Variants in TSC22D1 observed in about 807,000 individuals in gnomAD.
The protein encoded by TSC22D1 is TSC22 domain family member 1.
In TSC22D1, 9 loss-of-function variants were observed where a neutral mutation model predicts 74.2. That is an observed-to-expected ratio of 0.12 (90% CI 0.07 to 0.21). The LOEUF is 0.21. Ranked by LOEUF, TSC22D1 falls within the 10% of genes least tolerant of loss-of-function variation. The probability of loss-of-function intolerance (pLI) is 1.00; values close to 1 mark genes in which losing one functional copy is unlikely to be tolerated. For synonymous variants in TSC22D1, 586 were observed against 492.5 expected, an observed-to-expected ratio of 1.19 and a Z score of -2.51; for missense variants, 1,427 against 1,304.7, an observed-to-expected ratio of 1.09 and a Z score of -1.44.
chr13:44,457,937 T>C (rs995063972), intron 1 of TSC22D1, among the ~76,000 whole-genome samples: 2 of 152,234 alleles, frequency 1.3e-5, no homozygotes, highest in African/African-American at 4.8e-5. Flanking sequence ...CTATTACACA[T>C]ACATCAGATC....
intron 1 of TSC22D1, among the ~76,000 whole-genome samples, chr13:44,490,688 G>A (rs1430195317): frequency 3.3e-5 from 5 of 151,896 alleles, no homozygotes; most frequent in Non-Finnish European, 7.4e-5. Flanking sequence ...ATCTGAGGTC[G>A]GGAGTTCGAG....
intron 1 of TSC22D1, among the ~76,000 whole-genome samples, chr13:44,551,489 T>C (rs1882271611): frequency 6.6e-6 from 1 of 151,542 alleles, no homozygotes; most frequent in South Asian, 2.1e-4. Flanking sequence ...GGCACAATCT[T>C]AGCTCACTGC....
intron 1 of TSC22D1, among the ~76,000 whole-genome samples, chr13:44,444,192 T>A (rs531936169): frequency 1.1e-4 from 15 of 134,660 alleles, no homozygotes; most frequent in Admixed American, 2.7e-4. Context: ...GGCAGGAGAA[T>A]CGCTTGAACC....
chr13:44,439,372 G>A (rs1357088438), intron 1 of TSC22D1, among the ~76,000 whole-genome samples: 1 of 152,172 alleles, frequency 6.6e-6, no homozygotes, highest in Non-Finnish European at 1.5e-5. Context: ...TTTAAAACTA[G>A]ACTTTTGTAT....
At chr13:44,576,839 C>A (rs1183409408), upstream of TSC22D1, among the ~76,000 whole-genome samples, 2 of 151,710 alleles carry the variant, frequency 1.3e-5, no homozygotes, top group South Asian at 2.1e-4. Flanking sequence ...CGGGGCGCGG[C>A]GGCGGCGGTG....
Position 44,488,420 on chromosome 13 carries a change from T to C in TSC22D1, c.2913-52325A>G, listed in dbSNP as rs190706562. 1.1e-4 allele frequency among the ~76,000 whole-genome samples: 16 copies of C among 152,342 alleles called. No homozygotes were observed. In the East Asian group the frequency reaches 3.1e-3, roughly 29 times the overall value. ...TTGAGTTAAATAAAATAAAGCAAAT[T>C]ATTAAAACTAACTTCACCTGTTTTT... On this transcript the variant is annotated intron_variant, in intron 1 of 2. Coordinates refer to ENST00000458659, the MANE Select transcript of TSC22D1 (RefSeq NM_183422.4).
At chr13:44,450,239 A>G (rs183841992) in intron 1 of TSC22D1, among the ~76,000 whole-genome samples, 2 of 152,330 alleles carry the variant, frequency 1.3e-5, no homozygotes, top group Non-Finnish European at 2.9e-5. Flanking sequence ...GAGTTTGGAC[A>G]CCTCTCAGTA....
intron 1 of TSC22D1, among the ~76,000 whole-genome samples, chr13:44,456,178 A>C (rs1876614968): frequency 6.6e-6 from 1 of 152,222 alleles, no homozygotes. Flanking sequence ...GTGCAGACCC[A>C]AAAAGTGAGC....
At chr13:44,472,158 T>G (rs1267144414) in intron 1 of TSC22D1, among the ~76,000 whole-genome samples, 1 of 152,216 alleles carries the variant, frequency 6.6e-6, no homozygotes, top group Non-Finnish European at 1.5e-5. Context: ...GAGGTATGTA[T>G]GTATAGGGAA....
At position 44,434,518 on chromosome 13, in the gene TSC22D1, T is replaced by C. The variant is rs1423862816; in HGVS notation, c.*108A>G. Reference sequence around the variant, plus strand: ...GGCATATGTCAGTCTCACGTCTCTTTCGCAGCGAGCAATGAAATGGGTGAC... The same window carrying C: ...GGCATATGTCAGTCTCACGTCTCTTCCGCAGCGAGCAATGAAATGGGTGAC... On this transcript the variant is annotated 3_prime_UTR_variant, in exon 3 of 3. Transcript: ENST00000458659. 3 of 1,459,826 alleles carry C rather than the reference T, an allele frequency of 2.1e-6. No homozygotes were observed. Among genetic ancestry groups the C allele is most frequent in the Non-Finnish European group, 9.0e-7 (1 of 1,110,286 alleles). 90.4% of individuals were successfully genotyped at this position (1,459,826 alleles called of 1,614,324 possible).
intron 1 of TSC22D1, among the ~76,000 whole-genome samples, chr13:44,469,337 A>G (rs1177266094): frequency 6.6e-6 from 1 of 152,228 alleles, no homozygotes; most frequent in Admixed American, 6.5e-5. Flanking sequence ...TAAAATGAGA[A>G]AAGTATTTAA....
In TSC22D1 at chr13:44,482,264, G is replaced by A. The variant is rs78697443; in HGVS notation, c.2913-46169C>T. On this transcript the variant is annotated intron_variant, in intron 1 of 2. Coordinates refer to ENST00000458659, the MANE Select transcript of TSC22D1 (RefSeq NM_183422.4). ...GCTTTAGAGAGGTTAGCCAGGTGCAGTGGCTCACGCCTGTAATCCAGGCAC... is the reference window on the plus strand; with the variant it reads ...GCTTTAGAGAGGTTAGCCAGGTGCAATGGCTCACGCCTGTAATCCAGGCAC... 1.5e-3 allele frequency among the ~76,000 whole-genome samples: 231 copies of A among 152,304 alleles called. 3 individuals carry two copies. The highest frequency in any genetic ancestry group is 5.1e-3 in the African/African-American group (211 of 41,556).
intron 1 of TSC22D1, among the ~76,000 whole-genome samples, chr13:44,501,736 TG>T (rs1336155975): frequency 6.6e-6 from 1 of 152,216 alleles, no homozygotes; most frequent in Non-Finnish European, 1.5e-5. Flanking sequence ...GCATATTACC[TG>T]TATCAAAGCC....
intron 1 of TSC22D1, among the ~76,000 whole-genome samples, chr13:44,477,263 A>G (rs1479678821): frequency 6.6e-6 from 1 of 152,050 alleles, no homozygotes; most frequent in African/African-American, 2.4e-5. Flanking sequence ...AACCTGACCT[A>G]TATTTTCTCA....
chr13:44,538,306 T>C, intron 1 of TSC22D1: 1 of 985,336 alleles, frequency 1.0e-6, no homozygotes, highest in Non-Finnish European at 1.2e-6. Flanking sequence ...ACAATTATAA[T>C]AAGCCTCAAG....
chr13:44,566,656 C>T (rs1486633546), intron 1 of TSC22D1, among the ~76,000 whole-genome samples: 2 of 152,086 alleles, frequency 1.3e-5, no homozygotes, highest in African/African-American at 2.4e-5. Context: ...TATTTTTTCA[C>T]TCCTTCCCTA....
chr13:44,575,697 G>C lies in TSC22D1; in HGVS notation c.378C>G (p.Ser126Arg), dbSNP rs576508899. ...VTPAQISASI[S>R]SNNSIAEDTE... ...TGTCCTCTGCTATACTGTTGTTAGA[G>C]CTGATACTAGCGGAGATCTGAGCAG... is the stretch of plus-strand genomic sequence containing the variant. The change falls in exon 1 of 3, where the codon AGC becomes AGG. Residue 126 changes from serine (S) to arginine (R), a missense_variant. Physicochemically the swap from Ser to Arg is moderately radical, Grantham distance 110. Coordinates refer to ENST00000458659, the MANE Select transcript of TSC22D1 (RefSeq NM_183422.4). 22 of 1,614,096 alleles carry C rather than the reference G, an allele frequency of 1.4e-5. No homozygotes were observed. Among genetic ancestry groups the C allele is most frequent in the Non-Finnish European group, 4.2e-6 (5 of 1,180,040 alleles).
chr13:44,531,670 C>T (rs1399785657), intron 1 of TSC22D1, among the ~76,000 whole-genome samples: 1 of 152,114 alleles, frequency 6.6e-6, no homozygotes, highest in African/African-American at 2.4e-5. Context: ...GGTATCTATA[C>T]CCTTAGATGT....
chr13:44,462,802 A>C (rs554391390), intron 1 of TSC22D1, among the ~76,000 whole-genome samples: 120 of 152,268 alleles, frequency 7.9e-4, no homozygotes, highest in African/African-American at 2.8e-3. Flanking sequence ...TCATAAAACT[A>C]GAGTACAGGA....
Sources: gnomAD v4.1 joint callset for allele counts (sites outside exome capture counted in the v4.1 genomes callset) on GRCh38, gnomAD v4.1.1 for gene constraint, MANE v1.5 for transcripts, NCBI Gene and HGNC (gene_info 2026-07-23, HGNC 2026-07-21) for gene names.